Variants in TNFAIP8 observed in about 807,000 individuals in gnomAD.
TNFAIP8 encodes tumor necrosis factor alpha-induced protein 8.
Under a neutral mutation model 13.3 loss-of-function variants are expected in TNFAIP8, and 7 were observed. The ratio of observed to expected loss-of-function variants is 0.52; its 90% CI spans 0.30 to 0.99. The LOEUF is 0.99. Ranked by LOEUF, TNFAIP8 falls within the 50% of genes least tolerant of loss-of-function variation. The probability of loss-of-function intolerance (pLI) is 0.07; values close to 1 mark genes in which losing one functional copy is unlikely to be tolerated. For missense variants in TNFAIP8, 258 were observed against 236.9 expected, an observed-to-expected ratio of 1.09 and a Z score of -0.58; for synonymous variants, 94 against 87.6, an observed-to-expected ratio of 1.07 and a Z score of -0.41.
intron 1 of TNFAIP8, among the ~76,000 whole-genome samples, chr5:119,359,786 A>T (rs150336651): frequency 6.6e-6 from 1 of 152,240 alleles, no homozygotes; most frequent in Admixed American, 6.5e-5. Context: ...AGAGAAAAGG[A>T]GGTTAAAGCA....
chr5:119,316,928 A>G (rs1749915624), intron 1 of TNFAIP8, among the ~76,000 whole-genome samples: 1 of 152,198 alleles, frequency 6.6e-6, no homozygotes, highest in African/African-American at 2.4e-5. Context: ...AATGCACCCA[A>G]AAGCTCCCCA....
chr5:119,360,129 GC>G (rs1335908486), intron 1 of TNFAIP8, among the ~76,000 whole-genome samples: 1 of 152,002 alleles, frequency 6.6e-6, no homozygotes, highest in Non-Finnish European at 1.5e-5. Flanking sequence ...TACCTTTCTT[GC>G]CCCCACCTTA....
chr5:119,391,512 C>T (rs1270729271), intron 1 of TNFAIP8: 5 of 681,216 alleles, frequency 7.3e-6, no homozygotes, highest in South Asian at 6.0e-5. Flanking sequence ...GTAATCCCAG[C>T]ACTTTGGGAG....
intron 1 of TNFAIP8, chr5:119,306,314 C>CTTTTTTTTTTTTTTTTTTTTTT (rs1324521590): frequency 2.9e-5 from 4 of 135,922 alleles, no homozygotes; most frequent in African/African-American, 1.4e-4. Context: ...TTCTTTCTTT[C>CTTTTTTTTTTTTTTTTTTTTTT]TTTCTTTTTC....
intron 1 of TNFAIP8, among the ~76,000 whole-genome samples, chr5:119,371,873 C>A (rs754870533): frequency 6.6e-6 from 1 of 151,574 alleles, no homozygotes; most frequent in African/African-American, 2.4e-5. Flanking sequence ...CGTGGTGGCT[C>A]ACACCTGTAA....
chr5:119,354,152 T>C (rs1260746182), upstream of TNFAIP8, among the ~76,000 whole-genome samples: 1 of 152,160 alleles, frequency 6.6e-6, no homozygotes, highest in Admixed American at 6.5e-5. Context: ...AAGTCTGAGA[T>C]TACTGAGTGC....
chr5:119,391,308 T>C (rs1752881802), intron 1 of TNFAIP8: 1 of 696,806 alleles, frequency 1.4e-6, no homozygotes. Flanking sequence ...TTTGTATGTA[T>C]CTGTATTTTT....
intron 1 of TNFAIP8, among the ~76,000 whole-genome samples, chr5:119,297,385 G>A (rs1581581330): frequency 2.0e-5 from 3 of 152,244 alleles, no homozygotes; most frequent in African/African-American, 7.2e-5. Context: ...TTCAGGAGCA[G>A]GTTGTTCAGT....
At chr5:119,325,700 G>A (rs575044912) in intron 1 of TNFAIP8, among the ~76,000 whole-genome samples, 6 of 152,014 alleles carry the variant, frequency 3.9e-5, no homozygotes, top group Non-Finnish European at 8.8e-5. Context: ...CGCCGGCCTC[G>A]GCCTCCCATA....
At chr5:119,378,863 C>T (rs1389507172) in intron 1 of TNFAIP8, among the ~76,000 whole-genome samples, 6 of 152,004 alleles carry the variant, frequency 3.9e-5, no homozygotes, top group Admixed American at 1.3e-4. Context: ...CACTTGAGGC[C>T]GGGAGTTTGA....
At position 119,269,181 on chromosome 5, in the gene TNFAIP8, C is replaced by G. The variant is rs369433664; in HGVS notation, c.1+274C>G. On this transcript the variant is annotated intron_variant, in intron 1 of 1. Coordinates refer to the TNFAIP8 transcript ENST00000274456. ...CCCCTTTTAGGAACCCTTACCTATT[C>G]AGGGCGACCTCTTAACCACCTCCTG... Among the ~76,000 whole-genome samples, 36 of 152,336 alleles carry G rather than the reference C, an allele frequency of 2.4e-4. 1 individual carries two copies. In the East Asian group the frequency reaches 3.3e-3, roughly 14 times the overall value.
intron 1 of TNFAIP8, among the ~76,000 whole-genome samples, chr5:119,305,147 A>T (rs1190812786): frequency 1.3e-5 from 2 of 152,220 alleles, no homozygotes; most frequent in Non-Finnish European, 2.9e-5. Flanking sequence ...GAATCTAAAT[A>T]AGCTGATTTA....
intron 1 of TNFAIP8, among the ~76,000 whole-genome samples, chr5:119,287,285 T>TTG (rs1230302382): frequency 7.2e-6 from 1 of 138,136 alleles, no homozygotes; most frequent in Non-Finnish European, 1.6e-5. Context: ...ACCAAGTTTT[T>TTG]TTTTTTTTTT....
chr5:119,298,955 C>T (rs1389513199), intron 1 of TNFAIP8, among the ~76,000 whole-genome samples: 1 of 152,216 alleles, frequency 6.6e-6, no homozygotes, highest in Non-Finnish European at 1.5e-5. Context: ...CTTTCAGCTC[C>T]ATCAGCTCCT....
chr5:119,288,075 A>G (rs2150808929), intron 1 of TNFAIP8, among the ~76,000 whole-genome samples: 1 of 152,340 alleles, frequency 6.6e-6, no homozygotes, highest in South Asian at 2.1e-4. Flanking sequence ...AGCAAAAGTA[A>G]AGGAAATGTA....
At chr5:119,271,825 A>G (rs1004645004) in intron 1 of TNFAIP8, among the ~76,000 whole-genome samples, 1 of 152,168 alleles carries the variant, frequency 6.6e-6, no homozygotes, top group Admixed American at 6.5e-5. Context: ...CACATCCTGC[A>G]TTTAATACCA....
In TNFAIP8 at chr5:119,393,210, C is replaced by T; in HGVS notation, c.426C>T (p.Ile142=). 2 of 1,613,992 alleles carry T rather than the reference C, an allele frequency of 1.2e-6. No individual in the cohort carries two copies. Among genetic ancestry groups the T allele is most frequent in the Non-Finnish European group, 8.5e-7 (1 of 1,179,890 alleles). The change falls in exon 2 of 2, where the codon ATC becomes ATT. Residue 142 remains isoleucine, a synonymous_variant. Coordinates refer to ENST00000504771, the MANE Select transcript of TNFAIP8 (RefSeq NM_014350.4). The part of the protein sequence containing the change: ...LNECREMLHQ[I]IQRHLTAKSH... The stretch of plus-strand genomic sequence containing the variant: ...AATGCAGAGAGATGCTGCACCAAAT[C>T]ATTCAGCGCCACCTCACTGCCAAGT...
intron 1 of TNFAIP8, among the ~76,000 whole-genome samples, chr5:119,271,765 T>C (rs1267558712): frequency 6.6e-6 from 1 of 151,914 alleles, no homozygotes; most frequent in African/African-American, 2.4e-5. Flanking sequence ...AGGGAAGGAG[T>C]TGTGTGGTGC....
At chr5:119,389,640 C>A (rs1019259152) in intron 1 of TNFAIP8, among the ~76,000 whole-genome samples, 1 of 152,158 alleles carries the variant, frequency 6.6e-6, no homozygotes, top group African/African-American at 2.4e-5. Flanking sequence ...AAAAAACTTT[C>A]TCTAATGCTG....
Sources: allele counts gnomAD v4.1 joint callset (sites outside exome capture counted in the v4.1 genomes callset), GRCh38; gene constraint gnomAD v4.1.1; transcripts MANE v1.5; gene names NCBI Gene and HGNC (gene_info 2026-07-23, HGNC 2026-07-21).